The following ZNF385B variants were observed in gnomAD, a reference collection of about 807,000 sequenced individuals.
The protein encoded by ZNF385B is zinc finger protein 533.
In ZNF385B, 23 loss-of-function variants were observed where a neutral mutation model predicts 39.2. The ratio of observed to expected loss-of-function variants is 0.59; its 90% CI spans 0.42 to 0.83. The LOEUF (loss-of-function observed/expected upper bound fraction) is 0.83, where lower values mean the gene tolerates loss of function less well. Ranked by LOEUF, ZNF385B falls within the 40% of genes least tolerant of loss-of-function variation. The pLI, the probability that ZNF385B is intolerant of heterozygous loss-of-function variation, is 0.00. For synonymous variants in ZNF385B, 205 were observed against 222.6 expected (o/e 0.92, Z 0.70); for missense variants, 552 against 598.9 (o/e 0.92, Z 0.82).
At chr2:179,826,938 G>T (rs1044697606) in intron 1 of ZNF385B, among the ~76,000 whole-genome samples, 1 of 151,950 alleles carries the variant, frequency 6.6e-6, no homozygotes, top group Non-Finnish European at 1.5e-5. Context: ...TTCCTAGCAT[G>T]GTCTAAATAC....
At chr2:179,640,292 T>C (rs1295824265) in intron 3 of ZNF385B, among the ~76,000 whole-genome samples, 2 of 152,158 alleles carry the variant, frequency 1.3e-5, no homozygotes, top group African/African-American at 4.8e-5. Flanking sequence ...ACTTTATCAA[T>C]ATTCCCAGGT....
At chr2:179,783,316 T>C (rs2106526869) in intron 1 of ZNF385B, among the ~76,000 whole-genome samples, 1 of 152,106 alleles carries the variant, frequency 6.6e-6, no homozygotes, top group Middle Eastern at 3.4e-3. Flanking sequence ...CCTTATACCA[T>C]CAACAAAAAT....
intron 1 of ZNF385B, among the ~76,000 whole-genome samples, chr2:179,825,132 G>C (rs1389277901): frequency 6.6e-6 from 1 of 152,082 alleles, no homozygotes; most frequent in Non-Finnish European, 1.5e-5. Context: ...CTCTCCCCTG[G>C]ACCAATCAGT....
At chr2:179,789,814 G>A (rs1181905414) in intron 1 of ZNF385B, among the ~76,000 whole-genome samples, 1 of 152,046 alleles carries the variant, frequency 6.6e-6, no homozygotes, top group Non-Finnish European at 1.5e-5. Context: ...CCAAACATAA[G>A]AGAAGTTTGC....
chr2:179,496,353 C>T (rs2056206369), intron 5 of ZNF385B, among the ~76,000 whole-genome samples: 1 of 151,932 alleles, frequency 6.6e-6, no homozygotes, highest in Non-Finnish European at 1.5e-5. Context: ...AAAAACATAG[C>T]CTCGAAAGGG....
At chr2:179,584,971 G>C (rs1004131813) in intron 3 of ZNF385B, among the ~76,000 whole-genome samples, 10 of 152,098 alleles carry the variant, frequency 6.6e-5, no homozygotes, top group Admixed American at 5.2e-4. Flanking sequence ...AATGAGGAGA[G>C]TTTCATAACA....
At chr2:179,831,749 G>A (rs1402119240) in intron 1 of ZNF385B, among the ~76,000 whole-genome samples, 1 of 152,124 alleles carries the variant, frequency 6.6e-6, no homozygotes, top group Non-Finnish European at 1.5e-5. Context: ...TGGGCAAAGG[G>A]TCCAAGCCCT....
chr2:179,744,175 A>G (rs1179665171), intron 3 of ZNF385B, among the ~76,000 whole-genome samples: 1 of 152,138 alleles, frequency 6.6e-6, no homozygotes, highest in Non-Finnish European at 1.5e-5. Flanking sequence ...GGCAGATATT[A>G]GCAACTTTAA....
chr2:179,753,982 G>T (rs1702850359), intron 3 of ZNF385B, among the ~76,000 whole-genome samples: 1 of 152,134 alleles, frequency 6.6e-6, no homozygotes, highest in Admixed American at 6.6e-5. Context: ...GAATAGGAGT[G>T]GTGAGAGAGG....
At chr2:179,600,924 G>T (rs907008490) in intron 3 of ZNF385B, among the ~76,000 whole-genome samples, 1 of 152,166 alleles carries the variant, frequency 6.6e-6, no homozygotes, top group African/African-American at 2.4e-5. Flanking sequence ...CATAATAGCA[G>T]CATTTAGACT....
intron 3 of ZNF385B, among the ~76,000 whole-genome samples, chr2:179,761,761 CT>C (rs34325728): frequency 0.31 from 34,740 of 110,834 alleles, 2,410 homozygotes; most frequent in East Asian, 0.46. Flanking sequence ...TTTTTCTTTT[CT>C]TTTTTTTTTT....
At chr2:179,632,488 G>A (rs1024672177) in intron 3 of ZNF385B, among the ~76,000 whole-genome samples, 4 of 152,198 alleles carry the variant, frequency 2.6e-5, no homozygotes, top group Non-Finnish European at 5.9e-5. Context: ...AAATAAAGAT[G>A]TTTTTTGAAT....
intron 3 of ZNF385B, among the ~76,000 whole-genome samples, chr2:179,621,162 G>A (rs1415651562): frequency 1.3e-5 from 2 of 152,076 alleles, no homozygotes; most frequent in Admixed American, 6.6e-5. Flanking sequence ...AAAAAAAGGG[G>A]AGGGGGAAAA....
intron 1 of ZNF385B, among the ~76,000 whole-genome samples, chr2:179,822,907 T>C (rs1002551626): frequency 2.6e-5 from 4 of 152,164 alleles, no homozygotes; most frequent in Admixed American, 6.6e-5. Flanking sequence ...AAAACAGCTA[T>C]AAAGATGTCA....
Position 179,518,521 on chromosome 2 carries a change from T to C in ZNF385B, c.552+7A>G, listed in dbSNP as rs181620729. On this transcript the variant is annotated splice_region_variant and intron_variant, in intron 5 of 9. Coordinates refer to ENST00000410066, the MANE Select transcript of ZNF385B (RefSeq NM_152520.6). ...ACTACAGAGAATAATGAAAAGGTGA[T>C]ACTCACATCTGAGTTAAAGCGAAGC... The C allele has an allele frequency of 7.7e-6, 12 of 1,564,218 alleles. No individual in the cohort carries two copies. Among genetic ancestry groups the C allele is most frequent in the Non-Finnish European group, 4.4e-6 (5 of 1,145,332 alleles).
chr2:179,685,128 A>G (rs1246448419), intron 3 of ZNF385B, among the ~76,000 whole-genome samples: 1 of 152,200 alleles, frequency 6.6e-6, no homozygotes, highest in African/African-American at 2.4e-5. Flanking sequence ...TTCATCAACT[A>G]TGAACTTGGG....
chr2:179,758,590 G>T (rs1703185846), intron 3 of ZNF385B, among the ~76,000 whole-genome samples: 2 of 152,224 alleles, frequency 1.3e-5, no homozygotes, highest in African/African-American at 4.8e-5. Flanking sequence ...TCAAACCATA[G>T]CACCTTGTGA....
At chr2:179,839,371 C>A (rs577802450) in intron 1 of ZNF385B, among the ~76,000 whole-genome samples, 1 of 152,222 alleles carries the variant, frequency 6.6e-6, no homozygotes, top group South Asian at 2.1e-4. Context: ...TTTTATTAGT[C>A]AATGGATCAC....
intron 3 of ZNF385B, among the ~76,000 whole-genome samples, chr2:179,591,457 G>A (rs1687558145): frequency 6.6e-6 from 1 of 152,134 alleles, no homozygotes; most frequent in African/African-American, 2.4e-5. Context: ...GTGGGAGGAA[G>A]GGGTTGGCCT....
Sources: allele counts gnomAD v4.1 joint callset (sites outside exome capture counted in the v4.1 genomes callset), GRCh38; gene constraint gnomAD v4.1.1; transcripts MANE v1.5; gene names NCBI Gene and HGNC (gene_info 2026-07-23, HGNC 2026-07-21).